Variants in GON4L observed in about 807,000 individuals in gnomAD.
GON4L encodes the protein GON-4-like protein.
GON4L carries 87 observed loss-of-function variants against 211.8 expected under a neutral mutation model. The observed-to-expected ratio is 0.41, with a 90% CI of 0.35 to 0.49. The LOEUF (loss-of-function observed/expected upper bound fraction) is 0.49, where lower values mean the gene tolerates loss of function less well. Among genes scored for constraint, GON4L ranks in the 20% least tolerant of loss-of-function variants. The pLI is 0.15. For missense variants in GON4L, 2,155 were observed against 2,659.5 expected, an observed-to-expected ratio of 0.81 and a Z score of 4.17; for synonymous variants, 875 against 962.6, an observed-to-expected ratio of 0.91 and a Z score of 1.68.
chr1:155,781,269 A>G (rs940954130), intron 14 of GON4L, among the ~76,000 whole-genome samples: 1 of 151,724 alleles, frequency 6.6e-6, no homozygotes, highest in South Asian at 2.1e-4. Context: ...CAGCCTCCCA[A>G]GTAGCGGGGA....
At chr1:155,761,497 A>ATT (rs534585899) in intron 23 of GON4L, among the ~76,000 whole-genome samples, 14 of 129,392 alleles carry the variant, frequency 1.1e-4, no homozygotes, top group African/African-American at 2.3e-4. Flanking sequence ...AGCCTGGTTC[A>ATT]TTTTTTTTTT....
intron 2 of GON4L, 96 bp downstream of exon 2, chr1:155,853,180 C>T (rs822490): frequency 0.61 from 662,463 of 1,078,288 alleles, 212,024 homozygotes; most frequent in Middle Eastern, 0.7. Flanking sequence ...AAATCAATAT[C>T]CCCTTTCAGA....
intron 2 of GON4L, among the ~76,000 whole-genome samples, chr1:155,829,487 T>TC (rs1487683709): frequency 6.6e-6 from 1 of 152,008 alleles, no homozygotes; most frequent in Admixed American, 6.6e-5. Context: ...GTGCCTGTAA[T>TC]CCCAGCTATT....
intron 2 of GON4L, among the ~76,000 whole-genome samples, chr1:155,847,915 C>G (rs759104751): frequency 4.0e-5 from 6 of 150,630 alleles, no homozygotes; most frequent in Non-Finnish European, 7.4e-5. Context: ...TACATACATA[C>G]AAAGAAGAAA....
At chr1:155,851,543 C>T (rs1671797921) in intron 2 of GON4L, among the ~76,000 whole-genome samples, 1 of 150,652 alleles carries the variant, frequency 6.6e-6, no homozygotes, top group African/African-American at 2.4e-5. Context: ...TGGTGAAACC[C>T]CATCTCCACT....
chr1:155,763,352 A>T lies in GON4L; in HGVS notation c.4686T>A (p.Pro1562=). 6.2e-7 allele frequency: 1 copy of T among 1,613,830 alleles called. No individual in the cohort carries two copies. The highest frequency in any genetic ancestry group is 1.7e-5 in the Admixed American group (1 of 60,006). ...SAEKPPTFAS[P]ETAPEVETSR... Reference sequence around the variant, plus strand: ...TGGTCTCCACTTCTGGAGCAGTCTCAGGTGAAGCAAAAGTAGGAGGCTTCT... The same window carrying T: ...TGGTCTCCACTTCTGGAGCAGTCTCTGGTGAAGCAAAAGTAGGAGGCTTCT... The change falls in exon 22 of 32, where the codon CCT becomes CCA. Residue 1562 remains proline (P), a synonymous_variant. Transcript: ENST00000368331.
chr1:155,766,827 C>T (rs1662547620), intron 20 of GON4L, 118 bp from the exon 21 acceptor site: 1 of 1,501,616 alleles, frequency 6.7e-7, no homozygotes, highest in Middle Eastern at 2.2e-4. Flanking sequence ...GGGCAGATCA[C>T]TTGAGGTCAG....
chr1:155,821,963 G>C (rs1463607071), intron 4 of GON4L, among the ~76,000 whole-genome samples: 1 of 152,050 alleles, frequency 6.6e-6, no homozygotes, highest in Admixed American at 6.6e-5. Context: ...TAGACATATC[G>C]ACCCACAAGA....
At chr1:155,810,737 G>A (rs1221435571) in intron 10 of GON4L, among the ~76,000 whole-genome samples, 1 of 151,684 alleles carries the variant, frequency 6.6e-6, no homozygotes, top group African/African-American at 2.4e-5. Flanking sequence ...TACTGGCTAA[G>A]GCCAGGCGCA....
chr1:155,778,910 G>T (rs1483872018), intron 14 of GON4L, among the ~76,000 whole-genome samples: 4 of 152,000 alleles, frequency 2.6e-5, no homozygotes, highest in East Asian at 3.8e-4. Flanking sequence ...GTATTCCCTG[G>T]TGGGATACTA....
downstream of GON4L, among the ~76,000 whole-genome samples, chr1:155,749,097 A>G (rs369307736): frequency 3.2e-4 from 49 of 152,104 alleles, 1 homozygote; most frequent in African/African-American, 1.1e-3. Context: ...TACTAAAAAC[A>G]TAAAATTAGC....
intron 10 of GON4L, among the ~76,000 whole-genome samples, chr1:155,811,391 CAAAAAAAAAAAAAAAAA>C (rs777417019): frequency 2.0e-3 from 65 of 33,172 alleles, no homozygotes; most frequent in Non-Finnish European, 2.4e-3. Flanking sequence ...GACTCCGTCT[CAAAAAAAAAAAAAAAAA>C]AAAAAAAAAG....
At chr1:155,759,156 C>T (rs927303470) in intron 24 of GON4L, among the ~76,000 whole-genome samples, 1 of 151,790 alleles carries the variant, frequency 6.6e-6, no homozygotes, top group African/African-American at 2.4e-5. Flanking sequence ...ACCACCACAC[C>T]CAGTTAGTTA....
intron 14 of GON4L, among the ~76,000 whole-genome samples, chr1:155,781,374 G>C (rs549591670): frequency 6.6e-6 from 1 of 152,084 alleles, no homozygotes; most frequent in South Asian, 2.1e-4. Context: ...TCGAACTCCT[G>C]ACCTCAGGTG....
chr1:155,837,833 C>T (rs1368782589), intron 2 of GON4L, among the ~76,000 whole-genome samples: 2 of 151,982 alleles, frequency 1.3e-5, no homozygotes, highest in African/African-American at 4.8e-5. Flanking sequence ...CCTTGGATTA[C>T]CTATTAGAAA....
intron 18 of GON4L, 86 bp downstream of exon 18, chr1:155,772,980 G>A: frequency 6.5e-7 from 1 of 1,531,944 alleles, no homozygotes; most frequent in Non-Finnish European, 9.0e-7. Context: ...TATTATACAA[G>A]TCTTACTTCC....
intron 31 of GON4L, among the ~76,000 whole-genome samples, 191 bp from the exon 32 acceptor site, chr1:155,750,924 T>C (rs943988052): frequency 2.0e-4 from 30 of 151,994 alleles, no homozygotes; most frequent in Admixed American, 7.9e-4. Context: ...CCACCACACC[T>C]GACTAGTTTT....
Position 155,813,693 on chromosome 1 carries a change from T to G in GON4L, c.1393A>C (p.Lys465Gln). The G allele has an allele frequency of 6.2e-7, 1 of 1,613,646 alleles. No homozygotes were observed. Among genetic ancestry groups the G allele is most frequent in the Non-Finnish European group, 8.5e-7 (1 of 1,179,728 alleles). The change falls in exon 10 of 32, where the codon AAG (lysine) becomes CAG (glutamine). Residue 465 changes from lysine (K) to glutamine (Q), a missense_variant. Lys to Gln is a moderately conservative substitution (Grantham distance 53). This residue lies in a region of GON4L where 551 missense variants were observed against 854.0 expected (regional missense o/e 0.65). Coordinates refer to ENST00000368331, the MANE Select transcript of GON4L (RefSeq NM_001282860.2). ...AGCTCCTCATCTACCGCATGTAACT[T>G]CTCCATGAAAGTACTATCTCTGGTC... is the stretch of plus-strand genomic sequence containing the variant. ...KQTRDSTFME[K>Q]LHAVDEELAS...
chr1:155,831,886 T>TA (rs1193939513), intron 2 of GON4L, among the ~76,000 whole-genome samples: 1 of 151,530 alleles, frequency 6.6e-6, no homozygotes, highest in Admixed American at 6.6e-5. Flanking sequence ...CTCATCTCTT[T>TA]AAAAAAAATA....
Sources: allele counts gnomAD v4.1 joint callset (sites outside exome capture counted in the v4.1 genomes callset), GRCh38; gene constraint gnomAD v4.1.1; regional missense constraint gnomAD v4.1.1; transcripts MANE v1.5; gene names NCBI Gene and HGNC (gene_info 2026-07-23, HGNC 2026-07-21).